Variants in ZSWIM4 observed in about 807,000 individuals in gnomAD.
The protein encoded by ZSWIM4 is zinc finger SWIM-type containing 4.
A neutral mutation model predicts 102.5 loss-of-function variants in ZSWIM4; 62 were observed. That is an observed-to-expected ratio of 0.60 (90% CI 0.49 to 0.75). ZSWIM4 has a LOEUF of 0.75. Among genes scored for constraint, ZSWIM4 ranks in the 30% least tolerant of loss-of-function variants. The pLI is 0.00. For synonymous variants in ZSWIM4, 652 were observed against 674.5 expected (o/e 0.97, Z 0.52); for missense variants, 1,280 against 1,529.6 (o/e 0.84, Z 2.72).
chr19:13,808,010 G>A (rs1469799957), intron 3 of ZSWIM4, among the ~76,000 whole-genome samples: 2 of 152,118 alleles, frequency 1.3e-5, no homozygotes, highest in African/African-American at 4.8e-5. Flanking sequence ...GAAGGTGAAG[G>A]AGAAGCAAAC....
chr19:13,827,824 C>T (rs980803027), intron 12 of ZSWIM4, among the ~76,000 whole-genome samples: 7 of 152,104 alleles, frequency 4.6e-5, no homozygotes, highest in South Asian at 4.2e-4. Flanking sequence ...GAGGCAAACA[C>T]GTGAGCTGCT....
At chr19:13,815,950 T>TA (rs1172573879) in intron 7 of ZSWIM4, among the ~76,000 whole-genome samples, 68 of 75,314 alleles carry the variant, frequency 9.0e-4, no homozygotes, top group Admixed American at 1.0e-3. Flanking sequence ...CTCAAAAAAT[T>TA]AAAAAAAAAA....
chr19:13,819,680 T>C (rs1437896758), intron 10 of ZSWIM4, among the ~76,000 whole-genome samples, 188 bp downstream of exon 10: 1 of 151,672 alleles, frequency 6.6e-6, no homozygotes, highest in Non-Finnish European at 1.5e-5. Flanking sequence ...TTTATTTATT[T>C]ATTTATTTTG....
Position 13,805,026 on chromosome 19 carries a change from G to C in ZSWIM4, c.590G>C (p.Arg197Pro), listed in dbSNP as rs1453202266. Residue 197 changes from arginine (R) to proline (P), a missense_variant, in exon 3 of 14, where the codon CGG becomes CCG. By Grantham distance (103) the Arg-to-Pro change is moderately radical. Transcript: ENST00000590508. Reference sequence around the variant, plus strand: ...TCCGAGACGCTCTCCCAGATGAACCGGGACCAGCTGCAGAAGTTCGTGCAG... The same window carrying C: ...TCCGAGACGCTCTCCCAGATGAACCCGGACCAGCTGCAGAAGTTCGTGCAG... ...PISETLSQMN[R>P]DQLQKFVQYL... 3.7e-6 allele frequency: 6 copies of C among 1,611,656 alleles called. No homozygotes were observed. Among genetic ancestry groups the C allele is most frequent in the Non-Finnish European group, 5.1e-6 (6 of 1,180,028 alleles).
Position 13,808,855 on chromosome 19 carries a change from CG to C in ZSWIM4, c.734del (p.Gly245AlafsTer21). On this transcript the variant is annotated frameshift_variant, in exon 4 of 14. Coordinates refer to ENST00000590508, the MANE Select transcript of ZSWIM4 (RefSeq NM_001367834.3). LOFTEE classifies it high-confidence loss of function. ...LVNGAPDPTA[G>X]AGIEDANCWH... is the part of the protein sequence containing the mutation. ...CGGCAGGTGCCCCAGACCCCACCGC[CG>C]GCGCAGGAATCGAGGACGCCAACTG... 1 of 1,608,924 alleles carries C rather than the reference CG, an allele frequency of 6.2e-7. No individual in the cohort carries two copies. The highest frequency in any genetic ancestry group is 8.5e-7 in the Non-Finnish European group (1 of 1,177,812).
intron 5 of ZSWIM4, among the ~76,000 whole-genome samples, chr19:13,810,931 T>TTTTTTGTTG (rs1975067884): frequency 7.1e-6 from 1 of 140,092 alleles, no homozygotes; most frequent in African/African-American, 2.7e-5. Flanking sequence ...TTTTTTTTTT[T>TTTTTTGTTG]GAGATGGAGT....
chr19:13,825,263 G>A lies in ZSWIM4; in HGVS notation c.2216-287G>A, dbSNP rs1975575088. ...AGGCTGGTCTCAAACTCTTGACCTC[G>A]TGATCCACCCACCTCAGCCTCCCAA... On this transcript the variant is annotated intron_variant, in intron 11 of 13. Coordinates refer to ENST00000590508, the MANE Select transcript of ZSWIM4 (RefSeq NM_001367834.3). The surrounding 1 kb of genome is among the most constrained non-coding windows in gnomAD (Gnocchi z 4.6). Among the ~76,000 whole-genome samples, 5 of 152,000 alleles carry A rather than the reference G, an allele frequency of 3.3e-5. No homozygotes were observed. Among genetic ancestry groups the A allele is most frequent in the South Asian group, 2.1e-4 (1 of 4,826 alleles).
intron 2 of ZSWIM4, among the ~76,000 whole-genome samples, chr19:13,800,244 CTTTTTTTTTTTTTTTTTTTTTTTT>C (rs750229248): frequency 7.3e-5 from 2 of 27,510 alleles, no homozygotes; most frequent in East Asian, 1.3e-3. Flanking sequence ...TTTTGTATTT[CTTTTTTTTTTTTTTTTTTTTTTTT>C]TTTTTTTTTT....
At chr19:13,823,623 C>T in intron 11 of ZSWIM4, 123 bp downstream of exon 11, 1 of 1,189,186 alleles carries the variant, frequency 8.4e-7, no homozygotes, top group Non-Finnish European at 1.2e-6. Flanking sequence ...TCTTTGAGCA[C>T]CTCCTATATG....
At position 13,814,687 on chromosome 19, in the gene ZSWIM4, C is replaced by T. The variant is rs939507012; in HGVS notation, c.1353C>T (p.Phe451=). 2.3e-6 allele frequency: 3 copies of T among 1,283,638 alleles called. No homozygotes were observed. The highest frequency in any genetic ancestry group is 3.0e-6 in the Non-Finnish European group (3 of 984,732). The allele number at this position is 1,283,638 out of a possible 1,614,324, so 79.5% of individuals were successfully genotyped here. The change falls in exon 7 of 14, where the codon TTC becomes TTT. Residue 451 remains phenylalanine, a synonymous_variant. Transcript: ENST00000590508. Reference sequence around the variant, plus strand: ...GCGTGGGTGGGGACAAACCGACTTTCGACCCCCAGGGCCGCCCACTGTGGC... The same window carrying T: ...GCGTGGGTGGGGACAAACCGACTTTTGACCCCCAGGGCCGCCCACTGTGGC... ...TGSVGGDKPT[F]DPQGRPLWLG...
At chr19:13,810,598 G>GTTTTCTT (rs935086152) in intron 5 of ZSWIM4, among the ~76,000 whole-genome samples, 82 of 147,140 alleles carry the variant, frequency 5.6e-4, no homozygotes, top group Middle Eastern at 3.8e-3. Flanking sequence ...GCCAACATAT[G>GTTTTCTT]TTTTCTTTTT....
At chr19:13,799,274 CT>C (rs33931479) in intron 1 of ZSWIM4, among the ~76,000 whole-genome samples, 40,768 of 117,406 alleles carry the variant, frequency 0.35, 7,946 homozygotes, top group African/African-American at 0.6. Context: ...ATTTTTTTAT[CT>C]TTTTTTTTTT....
chr19:13,799,963 T>G, intron 2 of ZSWIM4, 42 bp downstream of exon 2: 4 of 1,572,614 alleles, frequency 2.5e-6, no homozygotes, highest in Non-Finnish European at 1.7e-6. Context: ...GGCCAGGAGG[T>G]CCATACCAGG....
At chr19:13,812,458 C>CTTT (rs1169781960) in intron 5 of ZSWIM4, among the ~76,000 whole-genome samples, 2 of 117,464 alleles carry the variant, frequency 1.7e-5, no homozygotes, top group Non-Finnish European at 3.5e-5. Flanking sequence ...GTAATCCCAA[C>CTTT]TTTTTTTTTT....
At chr19:13,811,841 G>C (rs578106817) in intron 5 of ZSWIM4, among the ~76,000 whole-genome samples, 2 of 152,232 alleles carry the variant, frequency 1.3e-5, no homozygotes, top group South Asian at 4.1e-4. Context: ...TTGGGAGGCC[G>C]AGGTGGGCAG....
At position 13,813,207 on chromosome 19, in the gene ZSWIM4, C is replaced by G. The variant is rs1461219268; in HGVS notation, c.1180+43C>G. ...TTACCATGCCCCCCAAAAACCATCA[C>G]CACTAACTGTGGCCCCACTTACCAT... is the stretch of plus-strand genomic sequence containing the variant. On this transcript the variant is annotated intron_variant, in intron 6 of 13. Coordinates refer to ENST00000590508, the MANE Select transcript of ZSWIM4 (RefSeq NM_001367834.3). The G allele has an allele frequency of 2.7e-6, 4 of 1,508,110 alleles. No individual in the cohort carries two copies. In the African/African-American group the frequency reaches 5.5e-5, roughly 21 times the overall value. 93.4% of individuals were successfully genotyped at this position (1,508,110 alleles called of 1,614,324 possible).
chr19:13,814,766 G>A lies in ZSWIM4; in HGVS notation c.1432G>A (p.Gly478Arg), dbSNP rs1325132212. 26 of 1,287,006 alleles carry A rather than the reference G, an allele frequency of 2.0e-5. No homozygotes were observed. Among genetic ancestry groups the A allele is most frequent in the Non-Finnish European group, 2.4e-5 (24 of 986,856 alleles). The allele number at this position is 1,287,006 out of a possible 1,614,324, so 79.7% of individuals were successfully genotyped here. Residue 478 changes from glycine to arginine, a missense_variant, in exon 7 of 14, where the codon GGA (glycine) becomes AGA (arginine). Transcript: ENST00000590508. ...CARVDTLRAH[G>R]YPRQALRLAS... ...CCGTGTGGACACCCTGCGTGCCCAC[G>A]GATACCCCCGCCAGGCCCTGCGGCT...
chr19:13,816,949 C>T (rs1385217843), intron 7 of ZSWIM4, among the ~76,000 whole-genome samples: 1 of 152,074 alleles, frequency 6.6e-6, no homozygotes, highest in Non-Finnish European at 1.5e-5. Context: ...GCATGGTGGC[C>T]CATGCCTGTA....
At chr19:13,817,092 T>G in intron 7 of ZSWIM4, 124 bp from the exon 8 acceptor site, 1 of 1,348,602 alleles carries the variant, frequency 7.4e-7, no homozygotes, top group Non-Finnish European at 1.0e-6. Flanking sequence ...AAGGTGACCA[T>G]TGGGTGAGCA....
Sources: allele counts gnomAD v4.1 joint callset (sites outside exome capture counted in the v4.1 genomes callset), GRCh38; gene constraint gnomAD v4.1.1; non-coding constraint Gnocchi (gnomAD v3.1); transcripts MANE v1.5; gene names NCBI Gene and HGNC (gene_info 2026-07-23, HGNC 2026-07-21).